Variants in COXFA4 observed in about 807,000 individuals in gnomAD.
The protein encoded by COXFA4 is cytochrome c oxidase subunit FA4.
At chr7:10,933,343 T>TTTAGTATAGAAAATATGAC in the COXFA4 span, 4 of 359,112 alleles carry the variant, frequency 1.1e-5, no homozygotes, top group African/African-American at 8.4e-5. Context: ...CTAAAGCAGC[T>TTTAGTATAGAAAATATGAC]TAAAGTCGTA....
chr7:10,939,118 G>T, the COXFA4 span: 1 of 457,698 alleles, frequency 2.2e-6, no homozygotes, highest in Non-Finnish European at 4.0e-6. Flanking sequence ...AGATGACTCT[G>T]GTTTAAGTGT....
the COXFA4 span, chr7:10,939,079 G>C: frequency 3.7e-6 from 2 of 535,334 alleles, no homozygotes; most frequent in East Asian, 3.2e-5. Context: ...GTGTTCTAAA[G>C]AAAGAAATGG....
chr7:10,932,672 T>C, the COXFA4 span: 5 of 152,122 alleles, frequency 3.3e-5, no homozygotes, highest in Non-Finnish European at 7.4e-5. Context: ...TCCTGGCCTT[T>C]GAAAACCTGC....
the COXFA4 span, among the ~76,000 whole-genome samples, chr7:10,936,995 C>A: frequency 6.6e-6 from 1 of 152,088 alleles, no homozygotes; most frequent in Non-Finnish European, 1.5e-5. Flanking sequence ...AAGATAATGG[C>A]ACTGCACTCC....
At chr7:10,933,146 T>G in the COXFA4 span, 2 of 158,430 alleles carry the variant, frequency 1.3e-5, no homozygotes. Context: ...AGATGCCAAG[T>G]AAAAACCATT....
the COXFA4 span, among the ~76,000 whole-genome samples, chr7:10,935,887 A>AT: frequency 2.0e-5 from 3 of 152,178 alleles, no homozygotes; most frequent in African/African-American, 7.2e-5. Context: ...TGATTGCTCC[A>AT]TATTTGTTTC....
the COXFA4 span, among the ~76,000 whole-genome samples, chr7:10,937,123 G>A: frequency 6.6e-6 from 1 of 152,090 alleles, no homozygotes; most frequent in Non-Finnish European, 1.5e-5. Flanking sequence ...ACACTGATCG[G>A]GGACCCTGTT....
chr7:10,939,095 G>A, the COXFA4 span: 1 of 511,918 alleles, frequency 2.0e-6, no homozygotes, highest in Non-Finnish European at 3.5e-6. Context: ...AATGGAATTT[G>A]GAAAGGATGT....
At chr7:10,940,088 A>C in the COXFA4 span, 1 of 1,612,214 alleles carries the variant, frequency 6.2e-7, no homozygotes, top group South Asian at 1.1e-5. Flanking sequence ...ACTGGAAAGG[A>C]GAGAACCGAC....
At chr7:10,938,553 G>A in the COXFA4 span, 1 of 445,658 alleles carries the variant, frequency 2.2e-6, no homozygotes, top group Non-Finnish European at 4.1e-6. Context: ...TTATTTTTAT[G>A]TCAATCCTCA....
At chr7:10,937,842 G>C in the COXFA4 span, 6 of 503,690 alleles carry the variant, frequency 1.2e-5, no homozygotes, top group East Asian at 2.1e-4. Context: ...GACTACCTAA[G>C]AACTAAGAAA....
At chr7:10,938,425 G>A in the COXFA4 span, 1 of 469,132 alleles carries the variant, frequency 2.1e-6, no homozygotes, top group Non-Finnish European at 3.8e-6. Flanking sequence ...ACAGAAAAGT[G>A]CATAGAATAA....
the COXFA4 span, chr7:10,938,808 C>T: frequency 6.2e-7 from 1 of 1,611,976 alleles, no homozygotes; most frequent in African/African-American, 1.3e-5. Context: ...AAGTACTTAC[C>T]AAACATCTGG....
chr7:10,933,351 G>A, the COXFA4 span: 7 of 369,660 alleles, frequency 1.9e-5, no homozygotes, highest in East Asian at 1.1e-4. Flanking sequence ...GCTTAAAGTC[G>A]TATTTTCAAA....
At chr7:10,938,921 A>G in the COXFA4 span, 1 of 1,560,284 alleles carries the variant, frequency 6.4e-7, no homozygotes, top group South Asian at 1.1e-5. Flanking sequence ...AAATAGAATA[A>G]CCATCTTCAA....
chr7:10,936,759 G>A, the COXFA4 span, among the ~76,000 whole-genome samples: 9 of 152,100 alleles, frequency 5.9e-5, no homozygotes, highest in East Asian at 7.7e-4. Context: ...ATCAGGCTGC[G>A]GGCACAGTGG....
the COXFA4 span, chr7:10,933,464 C>T: frequency 1.8e-6 from 1 of 560,884 alleles, no homozygotes; most frequent in African/African-American, 1.9e-5. Context: ...TATCAAGTTT[C>T]AGTTATTTAT....
chr7:10,935,493 C>T, the COXFA4 span, among the ~76,000 whole-genome samples: 1 of 152,174 alleles, frequency 6.6e-6, no homozygotes, highest in African/African-American at 2.4e-5. Context: ...AACAAATAAT[C>T]CTCTGCTACG....
chr7:10,933,505 T>G, the COXFA4 span: 8 of 711,724 alleles, frequency 1.1e-5, no homozygotes, highest in Non-Finnish European at 2.0e-5. Context: ...CCAATAGAGA[T>G]TACAATAGAG....
Sources: gnomAD v4.1 joint callset for allele counts (sites outside exome capture counted in the v4.1 genomes callset) on GRCh38, gnomAD v4.1.1 for gene constraint, MANE v1.5 for transcripts, NCBI Gene and HGNC (gene_info 2026-07-23, HGNC 2026-07-21) for gene names.